Variants in XYLT1 observed in about 807,000 individuals in gnomAD.
XYLT1 encodes the protein beta-D-xylosyltransferase 1.
XYLT1 carries 36 observed loss-of-function variants against 91.3 expected under a neutral mutation model. The observed-to-expected ratio is 0.39, with a 90% CI of 0.30 to 0.52. XYLT1 has a LOEUF of 0.52. Among genes scored for constraint, XYLT1 ranks in the 20% least tolerant of loss-of-function variants. The pLI, the probability that XYLT1 is intolerant of heterozygous loss-of-function variation, is 0.68. For missense variants in XYLT1, 1,242 were observed against 1,284.5 expected, an observed-to-expected ratio of 0.97 and a Z score of 0.51; for synonymous variants, 588 against 532.0, an observed-to-expected ratio of 1.11 and a Z score of -1.45.
intron 5 of XYLT1, among the ~76,000 whole-genome samples, chr16:17,163,170 T>C (rs1054297952): frequency 6.6e-6 from 1 of 152,210 alleles, no homozygotes; most frequent in Non-Finnish European, 1.5e-5. Context: ...CTGCAGAGCA[T>C]AGTTTAAGAG....
In XYLT1 at chr16:17,332,852, C is replaced by T. The variant is rs115869802; in HGVS notation, c.402+25160G>A. On this transcript the variant is annotated intron_variant, in intron 2 of 11. Transcript: ENST00000261381. Reference sequence around the variant, plus strand: ...ATTGTCACTCTTCCACCTGTCTGTCCGCAGGAGCTCCGAATTCTGCAACCT... The same window carrying T: ...ATTGTCACTCTTCCACCTGTCTGTCTGCAGGAGCTCCGAATTCTGCAACCT... 2.7e-3 allele frequency among the ~76,000 whole-genome samples: 410 copies of T among 152,054 alleles called. 1 individual carries two copies. The highest frequency in any genetic ancestry group is 9.4e-3 in the African/African-American group (390 of 41,478).
chr16:17,370,144 G>A (rs1242949907), intron 1 of XYLT1, among the ~76,000 whole-genome samples: 1 of 152,188 alleles, frequency 6.6e-6, no homozygotes, highest in Non-Finnish European at 1.5e-5. Flanking sequence ...CGTGAATAGA[G>A]GACTCTCCTT....
chr16:17,308,770 T>C (rs1486723916), intron 2 of XYLT1, among the ~76,000 whole-genome samples: 1 of 152,184 alleles, frequency 6.6e-6, no homozygotes, highest in Non-Finnish European at 1.5e-5. Context: ...ATCAATAGGT[T>C]TCCCAGTACC....
chr16:17,462,189 A>G (rs191628813), intron 1 of XYLT1, among the ~76,000 whole-genome samples: 1 of 152,374 alleles, frequency 6.6e-6, no homozygotes, highest in Non-Finnish European at 1.5e-5. Flanking sequence ...TTAGATGTCC[A>G]GATAAGCAGT....
At chr16:17,318,172 A>G (rs1260205634) in intron 2 of XYLT1, among the ~76,000 whole-genome samples, 1 of 152,240 alleles carries the variant, frequency 6.6e-6, no homozygotes, top group African/African-American at 2.4e-5. Context: ...ACGTGATACC[A>G]ACACATAGCG....
intron 2 of XYLT1, among the ~76,000 whole-genome samples, chr16:17,344,129 A>C (rs1466464924): frequency 6.6e-6 from 1 of 152,046 alleles, no homozygotes; most frequent in Non-Finnish European, 1.5e-5. Flanking sequence ...GTGTCATTAA[A>C]ATCTAGTGTG....
intron 2 of XYLT1, among the ~76,000 whole-genome samples, chr16:17,294,676 G>A (rs2034284300): frequency 6.6e-6 from 1 of 152,116 alleles, no homozygotes. Context: ...TGCCCTGGGT[G>A]AGGACCTTAT....
At chr16:17,461,989 C>G (rs1239737874) in intron 1 of XYLT1, among the ~76,000 whole-genome samples, 1 of 152,180 alleles carries the variant, frequency 6.6e-6, no homozygotes, top group Non-Finnish European at 1.5e-5. Flanking sequence ...ACCTCATCAT[C>G]ACCATAGTTG....
intron 1 of XYLT1, chr16:17,446,166 C>T: frequency 6.6e-6 from 1 of 152,128 alleles, no homozygotes; most frequent in African/African-American, 2.4e-5. Flanking sequence ...CTGCCAAGCC[C>T]AGTTGTGCAG....
At chr16:17,194,800 C>T (rs2032391520) in intron 5 of XYLT1, among the ~76,000 whole-genome samples, 1 of 152,226 alleles carries the variant, frequency 6.6e-6, no homozygotes, top group South Asian at 2.1e-4. Flanking sequence ...CATTGGGCCT[C>T]AGTTTGCCCC....
intron 3 of XYLT1, among the ~76,000 whole-genome samples, chr16:17,258,324 A>C (rs1038266071): frequency 6.6e-6 from 1 of 151,852 alleles, no homozygotes; most frequent in Non-Finnish European, 1.5e-5. Context: ...AATTAAAATA[A>C]GGAAGAAAGG....
chr16:17,335,108 C>T (rs1394047303), intron 2 of XYLT1, among the ~76,000 whole-genome samples: 1 of 149,266 alleles, frequency 6.7e-6, no homozygotes, highest in Admixed American at 6.7e-5. Flanking sequence ...GCCTCTAATC[C>T]CAGCTACTCA....
At chr16:17,299,324 G>C (rs1228285848) in intron 2 of XYLT1, among the ~76,000 whole-genome samples, 1 of 152,078 alleles carries the variant, frequency 6.6e-6, no homozygotes, top group Non-Finnish European at 1.5e-5. Flanking sequence ...GAATGAAGAG[G>C]GGGTGGCAGT....
chr16:17,281,517 A>G (rs1158954722), intron 2 of XYLT1, among the ~76,000 whole-genome samples: 1 of 152,184 alleles, frequency 6.6e-6, no homozygotes, highest in Non-Finnish European at 1.5e-5. Context: ...AAAAAAAATG[A>G]TGGTCATGAT....
At chr16:17,306,257 G>A (rs1220357073) in intron 2 of XYLT1, among the ~76,000 whole-genome samples, 1 of 152,146 alleles carries the variant, frequency 6.6e-6, no homozygotes, top group Non-Finnish European at 1.5e-5. Context: ...ATAGGAGCGA[G>A]AACATTGGGA....
intron 9 of XYLT1, among the ~76,000 whole-genome samples, chr16:17,134,082 G>T (rs2030609465): frequency 6.6e-6 from 1 of 152,192 alleles, no homozygotes. Context: ...GGGGCTGGGT[G>T]ACGGGAACAT....
intron 2 of XYLT1, among the ~76,000 whole-genome samples, chr16:17,262,063 G>A (rs150096043): frequency 1.2e-3 from 190 of 152,134 alleles, no homozygotes; most frequent in African/African-American, 4.3e-3. Flanking sequence ...CCTCTCAGGC[G>A]CATTTTCTGA....
At chr16:17,426,402 A>G (rs2036319547) in intron 1 of XYLT1, among the ~76,000 whole-genome samples, 2 of 152,130 alleles carry the variant, frequency 1.3e-5, no homozygotes, top group African/African-American at 2.4e-5. Flanking sequence ...TCTACTAAAA[A>G]TACAAAAAGT....
chr16:17,114,370 T>C (rs1287517133), intron 11 of XYLT1, among the ~76,000 whole-genome samples: 2 of 152,184 alleles, frequency 1.3e-5, no homozygotes, highest in African/African-American at 2.4e-5. Context: ...GGTGGTCTTA[T>C]GGCACTGAGC....
Sources: allele counts gnomAD v4.1 joint callset (sites outside exome capture counted in the v4.1 genomes callset), GRCh38; gene constraint gnomAD v4.1.1; transcripts MANE v1.5; gene names NCBI Gene and HGNC (gene_info 2026-07-23, HGNC 2026-07-21).